The following S100A8 variants were observed in gnomAD, a reference collection of about 807,000 sequenced individuals.
S100A8 encodes protein S100-A8.
Under a neutral mutation model 4.2 loss-of-function variants are expected in S100A8, and 1 was observed. That is an observed-to-expected ratio of 0.24 (90% CI 0.08 to 1.12). The LOEUF is 1.12. S100A8 is among the 50% of genes most tolerant of loss of function. The probability of loss-of-function intolerance (pLI) is 0.53; values close to 1 mark genes in which losing one functional copy is unlikely to be tolerated. For synonymous variants in S100A8, 41 were observed against 44.7 expected, an observed-to-expected ratio of 0.92 and a Z score of 0.33; for missense variants, 96 against 111.8, an observed-to-expected ratio of 0.86 and a Z score of 0.64.
chr1:153,412,604 C>A, the S100A8 span, among the ~76,000 whole-genome samples: 5 of 152,156 alleles, frequency 3.3e-5, no homozygotes, highest in African/African-American at 4.8e-5. Flanking sequence ...CTAGAAATAC[C>A]ATTATATGAC....
At chr1:153,412,240 G>A in the S100A8 span, among the ~76,000 whole-genome samples, 21,734 of 151,894 alleles carry the variant, frequency 0.14, 1,751 homozygotes, top group African/African-American at 0.23. Flanking sequence ...CTCATCTGAC[G>A]AAGGGCTAAT....
At chr1:153,392,419 G>T (rs988105163), upstream of S100A8, among the ~76,000 whole-genome samples, 1 of 152,138 alleles carries the variant, frequency 6.6e-6, no homozygotes, top group African/African-American at 2.4e-5. Context: ...TATGGAAAAC[G>T]GCAAGTTTGT....
intron 2 of S100A8, 69 bp from the exon 3 acceptor site, chr1:153,390,312 T>A: frequency 1.9e-6 from 3 of 1,602,174 alleles, no homozygotes; most frequent in Non-Finnish European, 2.6e-6. Flanking sequence ...TAGCCATCTA[T>A]GAAGGGTGGC....
At chr1:153,401,369 A>G in the S100A8 span, among the ~76,000 whole-genome samples, 1 of 152,242 alleles carries the variant, frequency 6.6e-6, no homozygotes, top group Admixed American at 6.5e-5. Flanking sequence ...ATTGAATAAC[A>G]TTCTGCCTTC....
chr1:153,412,544 T>C, the S100A8 span, among the ~76,000 whole-genome samples: 1 of 152,212 alleles, frequency 6.6e-6, no homozygotes, highest in Admixed American at 6.5e-5. Context: ...GACTGTAAAC[T>C]AGTTCAACCA....
upstream of S100A8, among the ~76,000 whole-genome samples, chr1:153,394,506 C>T (rs117904353): frequency 1.8e-4 from 28 of 152,270 alleles, no homozygotes; most frequent in East Asian, 4.8e-3. Context: ...TCCCCAAACA[C>T]CTGCTGAGCG....
chr1:153,419,213 T>A, the S100A8 span: 1 of 1,614,148 alleles, frequency 6.2e-7, no homozygotes, highest in Non-Finnish European at 8.5e-7. Flanking sequence ...ATAAGAAGAT[T>A]GATTTTTCTG....
the S100A8 span, among the ~76,000 whole-genome samples, chr1:153,415,272 G>C: frequency 6.6e-5 from 10 of 151,938 alleles, no homozygotes; most frequent in African/African-American, 2.2e-4. Context: ...AGGTCCCCCT[G>C]GTTACATAAG....
the S100A8 span, chr1:153,419,563 T>C: frequency 2.0e-6 from 1 of 499,810 alleles, no homozygotes. Flanking sequence ...TGTCTGCCTC[T>C]GCACCGTTCC....
chr1:153,407,730 C>T, the S100A8 span, among the ~76,000 whole-genome samples: 9 of 152,226 alleles, frequency 5.9e-5, no homozygotes, highest in African/African-American at 2.2e-4. Context: ...CAGGGGCCAA[C>T]TGACACCTCA....
chr1:153,396,812 C>T, the S100A8 span: 1 of 152,414 alleles, frequency 6.6e-6, no homozygotes, highest in Non-Finnish European at 1.5e-5. Context: ...GGCATACAGC[C>T]CACCTGCCAG....
At chr1:153,391,962 A>G (rs116073037), upstream of S100A8, among the ~76,000 whole-genome samples, 1,076 of 152,306 alleles carry the variant, frequency 7.1e-3, 14 homozygotes, top group African/African-American at 0.024. Flanking sequence ...GGAGGTGGCC[A>G]ATTCCCCAGG....
At chr1:153,418,314 T>C in the S100A8 span, 41 of 1,528,796 alleles carry the variant, frequency 2.7e-5, no homozygotes, top group East Asian at 4.5e-5. Context: ...GTCACCCTCA[T>C]CCTCTGATTA....
chr1:153,422,431 T>A, the S100A8 span: 1 of 824,000 alleles, frequency 1.2e-6, no homozygotes, highest in South Asian at 5.6e-5. Flanking sequence ...AGCAAGAATT[T>A]ACTTGATTTG....
Position 153,390,607 on chromosome 1 carries a change from G to A in S100A8, c.-22-50C>T, listed in dbSNP as rs560925124. Reference sequence around the variant, plus strand: ...ATCCCATGGCAGGGAATTTGCATCTGGCCAGGGCAGTACGCAGAGGATTCA... The same window carrying A: ...ATCCCATGGCAGGGAATTTGCATCTAGCCAGGGCAGTACGCAGAGGATTCA... On this transcript the variant is annotated intron_variant, in intron 1 of 2. Transcript: ENST00000368733. 44 of 1,599,682 alleles carry A rather than the reference G, an allele frequency of 2.8e-5. 1 individual carries two copies. The South Asian group carries it at 4.8e-4, about 18-fold the overall frequency.
At chr1:153,401,847 C>A in the S100A8 span, among the ~76,000 whole-genome samples, 2 of 152,152 alleles carry the variant, frequency 1.3e-5, no homozygotes, top group African/African-American at 4.8e-5. Flanking sequence ...GACGATGAAT[C>A]GGGTTATACT....
the S100A8 span, among the ~76,000 whole-genome samples, chr1:153,415,766 C>A: frequency 6.6e-6 from 1 of 152,226 alleles, no homozygotes; most frequent in Admixed American, 6.5e-5. Flanking sequence ...GGCCCCTGAC[C>A]CCAGTCCCCC....
At chr1:153,403,612 G>A in the S100A8 span, among the ~76,000 whole-genome samples, 5 of 151,922 alleles carry the variant, frequency 3.3e-5, no homozygotes, top group Non-Finnish European at 7.4e-5. Context: ...CCACGGCCCT[G>A]CCCTTTCCCA....
the S100A8 span, among the ~76,000 whole-genome samples, chr1:153,415,562 G>A: frequency 6.6e-6 from 1 of 152,160 alleles, no homozygotes; most frequent in South Asian, 2.1e-4. Flanking sequence ...AGCAGGTTAG[G>A]GCACATTATA....
Sources: gnomAD v4.1 joint callset for allele counts (sites outside exome capture counted in the v4.1 genomes callset) on GRCh38, gnomAD v4.1.1 for gene constraint, MANE v1.5 for transcripts, NCBI Gene and HGNC (gene_info 2026-07-23, HGNC 2026-07-21) for gene names.